Variants in KCNIP4 observed in about 807,000 individuals in gnomAD.
KCNIP4 encodes potassium voltage-gated channel interacting protein 4.
In KCNIP4, 12 loss-of-function variants were observed where a neutral mutation model predicts 34.0. That is an observed-to-expected ratio of 0.35 (90% CI 0.23 to 0.57). The LOEUF (loss-of-function observed/expected upper bound fraction) is 0.57, where lower values mean the gene tolerates loss of function less well. KCNIP4 is among the 20% of genes least tolerant of loss of function. The pLI is 0.83. For synonymous variants in KCNIP4, 124 were observed against 102.2 expected (o/e 1.21, Z -1.29); for missense variants, 238 against 311.7 (o/e 0.76, Z 1.78).
chr4:21,123,038 A>G (rs551097754), intron 1 of KCNIP4, among the ~76,000 whole-genome samples: 44 of 150,542 alleles, frequency 2.9e-4, no homozygotes, highest in East Asian at 1.2e-3. Context: ...GTGAAACCCC[A>G]TCTCTACCAA....
intron 1 of KCNIP4, among the ~76,000 whole-genome samples, chr4:21,267,222 CTG>C (rs1214531060): frequency 6.6e-6 from 1 of 152,148 alleles, no homozygotes; most frequent in Non-Finnish European, 1.5e-5. Context: ...CAGTCCTCTA[CTG>C]TTTAATGTGT....
intron 1 of KCNIP4, among the ~76,000 whole-genome samples, chr4:21,148,878 A>G (rs1399584377): frequency 2.0e-5 from 3 of 152,284 alleles, no homozygotes; most frequent in African/African-American, 7.2e-5. Flanking sequence ...TGAATGAAAA[A>G]CTGTGCTGCC....
chr4:21,403,361 G>A (rs1473691641), intron 1 of KCNIP4, among the ~76,000 whole-genome samples: 1 of 152,110 alleles, frequency 6.6e-6, no homozygotes, highest in African/African-American at 2.4e-5. Context: ...CCTAGTCAAT[G>A]TCACCATCTT....
At chr4:20,819,772 AC>A (rs947216097) in intron 3 of KCNIP4, among the ~76,000 whole-genome samples, 33 of 152,266 alleles carry the variant, frequency 2.2e-4, no homozygotes, top group African/African-American at 6.7e-4. Flanking sequence ...CAGCTCTTCC[AC>A]CCCTTCTACC....
chr4:21,118,546 A>G (rs1749882368), intron 1 of KCNIP4, among the ~76,000 whole-genome samples: 1 of 152,200 alleles, frequency 6.6e-6, no homozygotes, highest in Non-Finnish European at 1.5e-5. Context: ...CTTTGCCAAA[A>G]TGCAAGTTGC....
At position 21,720,007 on chromosome 4, in the gene KCNIP4, AAGAAGAAGAAGGAGAAGG is replaced by A. The variant is rs1435866875; in HGVS notation, c.61+228546_61+228563del. On this transcript the variant is annotated intron_variant, in intron 1 of 8. Coordinates refer to ENST00000382152, the MANE Select transcript of KCNIP4 (RefSeq NM_025221.6). The stretch of plus-strand genomic sequence containing the variant: ...AGAAGAGGAAGAAGAAAAGAAAAAG[AAGAAGAAGAAGGAGAAGG>A]AGAAGGAGAAGGAGAAGGAGAAGAG... 3.1e-5 allele frequency among the ~76,000 whole-genome samples: 4 copies of A among 128,362 alleles called. No individual in the cohort carries two copies. In the East Asian group the frequency reaches 1.0e-3, roughly 33 times the overall value. The allele number at this position is 128,362 out of a possible 152,430, so 84.2% of individuals were successfully genotyped here.
chr4:20,990,908 T>C (rs1326352926), intron 1 of KCNIP4, among the ~76,000 whole-genome samples: 5 of 152,234 alleles, frequency 3.3e-5, no homozygotes, highest in African/African-American at 9.6e-5. Flanking sequence ...TTATATATTA[T>C]AGTTTGTAGT....
At chr4:20,730,503 C>CAG (rs1438098352) in intron 8 of KCNIP4, among the ~76,000 whole-genome samples, 1 of 152,128 alleles carries the variant, frequency 6.6e-6, no homozygotes, top group African/African-American at 2.4e-5. Flanking sequence ...CCAAATCACA[C>CAG]AGACTTTTAT....
chr4:21,605,635 C>A (rs558660050), intron 1 of KCNIP4, among the ~76,000 whole-genome samples: 65 of 152,084 alleles, frequency 4.3e-4, no homozygotes, highest in African/African-American at 1.5e-3. Context: ...TGCCCGCCAC[C>A]ACACCCAGCT....
chr4:21,529,697 T>C (rs778929534), intron 1 of KCNIP4, among the ~76,000 whole-genome samples: 1 of 150,856 alleles, frequency 6.6e-6, no homozygotes, highest in South Asian at 2.1e-4. Flanking sequence ...GAAGAGACCA[T>C]GAAATCTCTC....
At chr4:21,049,374 A>C (rs1742735384) in intron 1 of KCNIP4, among the ~76,000 whole-genome samples, 1 of 152,176 alleles carries the variant, frequency 6.6e-6, no homozygotes, top group Admixed American at 6.5e-5. Flanking sequence ...TTAAGCCCGT[A>C]AGTTTTGGTG....
rs191461463 is a variant in KCNIP4, at chr4:21,248,855, A to G, written c.62-366146T>C. Among the ~76,000 whole-genome samples the G allele has an allele frequency of 1.8e-3, 269 of 152,134 alleles. 1 individual carries two copies. Among genetic ancestry groups the G allele is most frequent in the African/African-American group, 5.9e-3 (246 of 41,414 alleles). On this transcript the variant is annotated intron_variant, in intron 1 of 8. Coordinates refer to ENST00000382152, the MANE Select transcript of KCNIP4 (RefSeq NM_025221.6). ...CACAGAGGTTAGTTAAACAACTTTCAAAGTCAAACACCTATTAAATGGTTG... is the reference window on the plus strand; with the variant it reads ...CACAGAGGTTAGTTAAACAACTTTCGAAGTCAAACACCTATTAAATGGTTG...
rs142576429 is a variant in KCNIP4 at position 21,035,855 on chromosome 4, C to T, written c.62-153146G>A. On this transcript the variant is annotated intron_variant, in intron 1 of 8. Coordinates refer to ENST00000382152, the MANE Select transcript of KCNIP4 (RefSeq NM_025221.6). Reference sequence around the variant, plus strand: ...GATGGCCCTTGCATTGATGGAACCCCTGTGTCCAAGAGGCAGAGAGTGGGA... The same window carrying T: ...GATGGCCCTTGCATTGATGGAACCCTTGTGTCCAAGAGGCAGAGAGTGGGA... 2.9e-3 allele frequency among the ~76,000 whole-genome samples: 435 copies of T among 152,250 alleles called. 2 individuals carry two copies. The highest frequency in any genetic ancestry group is 0.027 in the Middle Eastern group (8 of 294).
intron 1 of KCNIP4, among the ~76,000 whole-genome samples, chr4:21,783,556 A>G (rs944966223): frequency 2.0e-5 from 3 of 152,224 alleles, no homozygotes; most frequent in African/African-American, 7.2e-5. Flanking sequence ...TAAATTAGTA[A>G]TAAGTACATT....
chr4:20,729,590 C>CTTGTTTGTAATTGTTGTAATCTTGT lies in KCNIP4; in HGVS notation c.*491_*492insACAAGATTACAACAATTACAAACAA, dbSNP rs201837967. 3 of 151,094 alleles carry CTTGTTTGTAATTGTTGTAATCTTGT rather than the reference C, an allele frequency of 2.0e-5. No homozygotes were observed. Among genetic ancestry groups the CTTGTTTGTAATTGTTGTAATCTTGT allele is most frequent in the Non-Finnish European group, 4.4e-5 (3 of 67,878 alleles). 9.4% of individuals were successfully genotyped at this position (151,094 alleles called of 1,614,324 possible). On this transcript the variant is annotated 3_prime_UTR_variant, in exon 9 of 9. Transcript: ENST00000382152. ...TATGTGTTTTTTTAATTGTTGTAAT[C>CTTGTTTGTAATTGTTGTAATCTTGT]TTGTTTCCTTAAAGTATATAAATGG... is the stretch of plus-strand genomic sequence containing the variant.
At chr4:21,563,987 A>G (rs1018112502) in intron 1 of KCNIP4, among the ~76,000 whole-genome samples, 3 of 152,156 alleles carry the variant, frequency 2.0e-5, no homozygotes, top group African/African-American at 7.2e-5. Flanking sequence ...ATACCTTTTT[A>G]CTAAGCAATT....
intron 1 of KCNIP4, among the ~76,000 whole-genome samples, chr4:21,933,222 T>G (rs1468730911): frequency 2.0e-5 from 3 of 152,034 alleles, no homozygotes; most frequent in African/African-American, 7.2e-5. Flanking sequence ...GATGTGACTA[T>G]TTGGTTATCT....
At chr4:21,473,905 G>T (rs6846958) in intron 1 of KCNIP4, among the ~76,000 whole-genome samples, 36,787 of 151,702 alleles carry the variant, frequency 0.24, 4,863 homozygotes, top group Non-Finnish European at 0.31. Flanking sequence ...GTAGGGATCA[G>T]GTTCCACCAT....
At chr4:21,178,830 T>TTG (rs1553949930) in intron 1 of KCNIP4, among the ~76,000 whole-genome samples, 1 of 149,894 alleles carries the variant, frequency 6.7e-6, no homozygotes, top group African/African-American at 2.5e-5. Context: ...TTTTTTTTTT[T>TTG]TTTTGTTTTG....
Sources: allele counts gnomAD v4.1 joint callset (sites outside exome capture counted in the v4.1 genomes callset), GRCh38; gene constraint gnomAD v4.1.1; transcripts MANE v1.5; gene names NCBI Gene and HGNC (gene_info 2026-07-23, HGNC 2026-07-21).